The following ITGAE variants were observed in gnomAD, a reference collection of about 807,000 sequenced individuals.
ITGAE encodes integrin subunit alpha E, also known as integrin alpha-E.
In ITGAE, 99 loss-of-function variants were observed where a neutral mutation model predicts 136.5. The ratio of observed to expected loss-of-function variants is 0.73; its 90% CI spans 0.62 to 0.86. The LOEUF (loss-of-function observed/expected upper bound fraction) is 0.86, where lower values mean the gene tolerates loss of function less well. Among genes scored for constraint, ITGAE ranks in the 40% least tolerant of loss-of-function variants. The pLI is 0.00. For synonymous variants in ITGAE, 613 were observed against 591.8 expected, an observed-to-expected ratio of 1.04 and a Z score of -0.52; for missense variants, 1,447 against 1,515.3, an observed-to-expected ratio of 0.95 and a Z score of 0.75.
intron 1 of ITGAE, among the ~76,000 whole-genome samples, chr17:3,790,623 T>C (rs888740889): frequency 6.6e-6 from 1 of 152,136 alleles, no homozygotes; most frequent in Non-Finnish European, 1.5e-5. Flanking sequence ...AACCTGACGT[T>C]AAACTTCCAG....
At chr17:3,737,986 G>C (rs2051497660) in intron 20 of ITGAE, among the ~76,000 whole-genome samples, 1 of 152,198 alleles carries the variant, frequency 6.6e-6, no homozygotes, top group Non-Finnish European at 1.5e-5. Context: ...GTGCCTGCTT[G>C]TTAGCCTGGA....
chr17:3,793,923 C>A (rs529993725), intron 1 of ITGAE, among the ~76,000 whole-genome samples: 5 of 151,082 alleles, frequency 3.3e-5, no homozygotes, highest in South Asian at 4.2e-4. Context: ...CCTCCCCTTG[C>A]CTGATTGAAG....
intron 1 of ITGAE, among the ~76,000 whole-genome samples, chr17:3,796,839 G>A (rs2143537347): frequency 6.6e-6 from 1 of 152,254 alleles, no homozygotes; most frequent in East Asian, 1.9e-4. Flanking sequence ...TCCCAATTTA[G>A]GAAACCGAGG....
intron 21 of ITGAE, among the ~76,000 whole-genome samples, chr17:3,733,273 C>T (rs986968700): frequency 5.3e-5 from 8 of 152,056 alleles, no homozygotes; most frequent in African/African-American, 7.2e-5. Context: ...CCGTGAGCCA[C>T]GGTGCCCGGC....
rs1465234533 is a variant in ITGAE at position 3,714,884 on chromosome 17, T to G, written c.3503A>C (p.Gln1168Pro). 1 of 1,611,438 alleles carries G rather than the reference T, an allele frequency of 6.2e-7. No homozygotes were observed. Among genetic ancestry groups the G allele is most frequent in the African/African-American group, 1.3e-5 (1 of 74,910 alleles). ...TTCGAGCAGATTCTCTGATTTCAGC[T>G]GGGCCTTCCTGATGCTCTCCAAGTT... ...QLNLESIRKA[Q>P]LKSENLLEEE... The change falls in exon 31 of 31, where the codon CAG (glutamine) becomes CCG (proline). Residue 1168 changes from glutamine to proline, a missense_variant. Around this residue, in one of 3 missense-constraint regions of ITGAE, gnomAD observed 1,031 missense variants for 1,011.4 expected, o/e 1.02. Coordinates refer to ENST00000263087, the MANE Select transcript of ITGAE (RefSeq NM_002208.5).
chr17:3,728,333 G>T lies in ITGAE; in HGVS notation c.2913-165C>A. ...ATCCTCCACCTCAGCCTGGGAAAGT[G>T]TTGGGATGACAGGCATGAGCCACTA... On this transcript the variant is annotated intron_variant, in intron 24 of 30. Transcript: ENST00000263087. 5 of 581,696 alleles carry T rather than the reference G, an allele frequency of 8.6e-6. No individual in the cohort carries two copies. In the East Asian group the frequency reaches 9.4e-5, roughly 11 times the overall value. 36.0% of individuals were successfully genotyped at this position (581,696 alleles called of 1,614,324 possible). A position where few individuals can be genotyped will look rare whatever the true frequency, so the allele number is the denominator to read the frequency against.
chr17:3,737,182 A>G (rs1263814404), intron 20 of ITGAE, among the ~76,000 whole-genome samples: 1 of 152,196 alleles, frequency 6.6e-6, no homozygotes, highest in Non-Finnish European at 1.5e-5. Context: ...GATCCCAGCT[A>G]CACAGGAGGC....
chr17:3,748,681 G>C (rs1448845805), intron 16 of ITGAE, among the ~76,000 whole-genome samples: 1 of 152,190 alleles, frequency 6.6e-6, no homozygotes, highest in Non-Finnish European at 1.5e-5. Flanking sequence ...TTTCGGTTGA[G>C]ATTTGTTAAC....
At position 3,764,971 on chromosome 17, in the gene ITGAE, C is replaced by G. The variant is rs1000087857; in HGVS notation, c.156-1011G>C. Among the ~76,000 whole-genome samples, 8 of 152,214 alleles carry G rather than the reference C, an allele frequency of 5.3e-5. No individual in the cohort carries two copies. The East Asian group carries it at 1.4e-3, about 26-fold the overall frequency. ...AGGGGCTTGGTGGTTAACAGTGAACCAAGTCCAAGGTCTTTCTGCAGAGGG... is the reference window on the plus strand; with the variant it reads ...AGGGGCTTGGTGGTTAACAGTGAACGAAGTCCAAGGTCTTTCTGCAGAGGG... On this transcript the variant is annotated intron_variant, in intron 2 of 30. Transcript: ENST00000263087.
chr17:3,796,094 CGT>C (rs575168664), intron 1 of ITGAE, among the ~76,000 whole-genome samples: 10,384 of 81,868 alleles, frequency 0.13, 818 homozygotes, highest in African/African-American at 0.3. Context: ...TGTATGCATC[CGT>C]GTGTGTGCAT....
intron 26 of ITGAE, chr17:3,725,237 C>T: frequency 6.2e-7 from 1 of 1,614,228 alleles, no homozygotes; most frequent in Non-Finnish European, 8.5e-7. Context: ...GTGCTCCGTC[C>T]TCTTGGCACT....
chr17:3,729,918 T>C (rs1227982448), intron 23 of ITGAE, among the ~76,000 whole-genome samples: 1 of 152,138 alleles, frequency 6.6e-6, no homozygotes. Context: ...CCAGGGTACA[T>C]GTGCAGATGT....
chr17:3,732,398 C>T lies in ITGAE; in HGVS notation c.2724G>A (p.Arg908=). 6.2e-7 allele frequency: 1 copy of T among 1,614,124 alleles called. No homozygotes were observed. Among genetic ancestry groups the T allele is most frequent in the Non-Finnish European group, 8.5e-7 (1 of 1,180,008 alleles). ...PVASVLIMNC[R]IGHPVLKRSS... ...ACCTCTTGAGGACGGGGTGACCAAT[C>T]CTGCAGTTCATGATCAGGACAGAAG... The change falls in exon 22 of 31, where the codon AGG becomes AGA. Residue 908 remains arginine, a synonymous_variant. Coordinates refer to ENST00000263087, the MANE Select transcript of ITGAE (RefSeq NM_002208.5).
chr17:3,729,530 T>G lies in ITGAE; in HGVS notation c.2860A>C (p.Asn954His). 6.2e-7 allele frequency: 1 copy of G among 1,610,434 alleles called. No individual in the cohort carries two copies. Among genetic ancestry groups the G allele is most frequent in the Non-Finnish European group, 8.5e-7 (1 of 1,176,634 alleles). ...CTGAATTGAAGGGTGTGGGTCTCGTTGGCCAAAGACCGTCTTTCATTGGAA... is the reference window on the plus strand; with the variant it reads ...CTGAATTGAAGGGTGTGGGTCTCGTGGGCCAAAGACCGTCTTTCATTGGAA... ...TNSNERRSLA[N>H]ETHTLQFRHG... The change falls in exon 24 of 31, where the codon AAC (asparagine) becomes CAC (histidine). Residue 954 changes from asparagine to histidine, a missense_variant. This residue lies in a region of ITGAE where 1,031 missense variants were observed against 1,011.4 expected (regional missense o/e 1.02). Transcript: ENST00000263087.
At chr17:3,797,367 G>A (rs192379922) in intron 1 of ITGAE, among the ~76,000 whole-genome samples, 2,598 of 150,928 alleles carry the variant, frequency 0.017, 28 homozygotes, top group Non-Finnish European at 0.026. Context: ...GAGTTTCACT[G>A]TGTTAGCCAG....
intron 1 of ITGAE, among the ~76,000 whole-genome samples, chr17:3,796,063 A>C (rs1370926329): frequency 1.0e-5 from 1 of 99,116 alleles, no homozygotes; most frequent in African/African-American, 4.0e-5. Context: ...GTGTGTGTGC[A>C]TCCGTGTTTG....
At chr17:3,796,170 C>CGTGTGTGT (rs71381510) in intron 1 of ITGAE, among the ~76,000 whole-genome samples, 5,130 of 126,914 alleles carry the variant, frequency 0.04, 249 homozygotes, top group East Asian at 0.12. Context: ...TGTGTGCATC[C>CGTGTGTGT]GTGTGTGTGT....
chr17:3,728,308 A>G (rs60628049), intron 24 of ITGAE, 140 bp from the exon 25 acceptor site: 5 of 656,430 alleles, frequency 7.6e-6, no homozygotes, highest in South Asian at 6.3e-5. Context: ...GGCTCAAGTG[A>G]TCCTCCACCT....
chr17:3,723,326 T>G lies in ITGAE; in HGVS notation c.3199A>C (p.Thr1067Pro). 1 of 1,613,860 alleles carries G rather than the reference T, an allele frequency of 6.2e-7. No individual in the cohort carries two copies. The highest frequency in any genetic ancestry group is 8.5e-7 in the Non-Finnish European group (1 of 1,179,738). ...CVIASDKENV[T>P]VAAEISWDHS... Reference sequence around the variant, plus strand: ...TCCCAGGAGATCTCTGCAGCCACGGTGACATTTTCTTTATCTGAAGCGATG... The same window carrying G: ...TCCCAGGAGATCTCTGCAGCCACGGGGACATTTTCTTTATCTGAAGCGATG... The change falls in exon 28 of 31, where the codon ACC becomes CCC. Residue 1067 changes from threonine to proline, a missense_variant. This residue lies in a region of ITGAE where 1,031 missense variants were observed against 1,011.4 expected (regional missense o/e 1.02). Coordinates refer to ENST00000263087, the MANE Select transcript of ITGAE (RefSeq NM_002208.5).
Sources: gnomAD v4.1 joint callset for allele counts (sites outside exome capture counted in the v4.1 genomes callset) on GRCh38, gnomAD v4.1.1 for gene constraint, gnomAD v4.1.1 regional missense constraint, MANE v1.5 for transcripts, NCBI Gene and HGNC (gene_info 2026-07-23, HGNC 2026-07-21) for gene names.